SLC22A23: variants seen among roughly 807,000 people sequenced by gnomAD.
SLC22A23 encodes the protein ion transporter protein.
Under a neutral mutation model 61.0 loss-of-function variants are expected in SLC22A23, and 26 were observed. The observed-to-expected ratio is 0.43, with a 90% CI of 0.31 to 0.59. The LOEUF is 0.59. Among genes scored for constraint, SLC22A23 ranks in the 20% least tolerant of loss-of-function variants. SLC22A23 has a pLI of 0.11. For synonymous variants in SLC22A23, 430 were observed against 413.9 expected (o/e 1.04, Z -0.47); for missense variants, 796 against 934.7 (o/e 0.85, Z 1.94).
At chr6:3,391,506 T>C (rs1419514879) in intron 3 of SLC22A23, among the ~76,000 whole-genome samples, 1 of 152,232 alleles carries the variant, frequency 6.6e-6, no homozygotes, top group Non-Finnish European at 1.5e-5. Flanking sequence ...GCACAGATCT[T>C]CATCGTGTTC....
At position 3,436,291 on chromosome 6, in the gene SLC22A23, AC is replaced by A. The variant is rs1391649653; in HGVS notation, c.654+19614del. The stretch of plus-strand genomic sequence containing the variant: ...GCTGGGATTACAGGTGCCCGCCACC[AC>A]GTCCAGCTATTTTTTGTATTCTTAG... On this transcript the variant is annotated intron_variant, in intron 1 of 9. Coordinates refer to ENST00000406686, the MANE Select transcript of SLC22A23 (RefSeq NM_015482.2). 2.6e-5 allele frequency among the ~76,000 whole-genome samples: 4 copies of A among 151,970 alleles called. No individual in the cohort carries two copies. In the East Asian group the frequency reaches 7.7e-4, roughly 29 times the overall value.
intron 3 of SLC22A23, among the ~76,000 whole-genome samples, chr6:3,343,971 T>A (rs1200349182): frequency 6.6e-6 from 1 of 152,190 alleles, no homozygotes. Flanking sequence ...AGAAAATATT[T>A]TAAGAGGATT....
intron 1 of SLC22A23, among the ~76,000 whole-genome samples, chr6:3,451,964 A>G (rs1772173440): frequency 2.0e-5 from 3 of 152,214 alleles, no homozygotes; most frequent in South Asian, 2.1e-4. Flanking sequence ...TCTGAAGTAC[A>G]CAACCATTCT....
chr6:3,307,244 C>T (rs1013511562), intron 4 of SLC22A23, among the ~76,000 whole-genome samples: 2 of 152,166 alleles, frequency 1.3e-5, no homozygotes, highest in Non-Finnish European at 2.9e-5. Flanking sequence ...CAGTTCATCT[C>T]GACGCTCTGA....
At chr6:3,298,530 G>A (rs986128288) in intron 4 of SLC22A23, among the ~76,000 whole-genome samples, 1 of 152,192 alleles carries the variant, frequency 6.6e-6, no homozygotes. Flanking sequence ...AGGCTGGGAA[G>A]GGTGGGGGGA....
At chr6:3,421,939 G>A (rs17309659) in intron 1 of SLC22A23, among the ~76,000 whole-genome samples, 44,239 of 152,120 alleles carry the variant, frequency 0.29, 7,741 homozygotes, top group East Asian at 0.47. Context: ...TGACTAAAGC[G>A]AAAAGTGTTT....
chr6:3,298,447 G>A (rs1028854503), intron 4 of SLC22A23, among the ~76,000 whole-genome samples: 2 of 151,888 alleles, frequency 1.3e-5, no homozygotes, highest in African/African-American at 4.8e-5. Context: ...TTAACCACAT[G>A]TTCTCACCCA....
chr6:3,363,404 C>T (rs1467435230), intron 3 of SLC22A23, among the ~76,000 whole-genome samples: 1 of 152,222 alleles, frequency 6.6e-6, no homozygotes, highest in Non-Finnish European at 1.5e-5. Flanking sequence ...AGGCTTCCTC[C>T]TCGGGGGACT....
chr6:3,373,708 A>G (rs1192793443), intron 3 of SLC22A23, among the ~76,000 whole-genome samples: 6 of 152,246 alleles, frequency 3.9e-5, no homozygotes, highest in African/African-American at 1.4e-4. Context: ...AGGAAGCAGC[A>G]GCAACAGCAG....
At chr6:3,394,777 C>T (rs1451721423) in intron 3 of SLC22A23, among the ~76,000 whole-genome samples, 1 of 152,194 alleles carries the variant, frequency 6.6e-6, no homozygotes, top group Non-Finnish European at 1.5e-5. Context: ...CTTTGCACAG[C>T]CCCCACATGA....
intron 3 of SLC22A23, among the ~76,000 whole-genome samples, chr6:3,346,289 C>T (rs189205025): frequency 1.7e-3 from 264 of 152,284 alleles, no homozygotes; most frequent in Non-Finnish European, 3.2e-3. Flanking sequence ...CAGCATTGCA[C>T]GTCTGAAGCT....
In SLC22A23 at chr6:3,390,272, A is replaced by G. The variant is rs1365560237; in HGVS notation, c.913+19916T>C. Among the ~76,000 whole-genome samples the G allele has an allele frequency of 1.3e-5, 2 of 152,228 alleles. No homozygotes were observed. Among genetic ancestry groups the G allele is most frequent in the African/African-American group, 2.4e-5 (1 of 41,464 alleles). On this transcript the variant is annotated intron_variant, in intron 3 of 9. Transcript: ENST00000406686. The surrounding 1 kb of genome is among the most constrained non-coding windows in gnomAD (Gnocchi z 4.0). ...TGCCTGGAAATTGAAACACTCAGCC[A>G]TCTCAGGTAATTGGCCTCAATCACA...
At position 3,271,010 on chromosome 6, in the gene SLC22A23, C is replaced by G. The variant is rs1411447776; in HGVS notation, c.*2045G>C. The G allele has an allele frequency of 1.3e-5, 2 of 152,424 alleles. No individual in the cohort carries two copies. Among genetic ancestry groups the G allele is most frequent in the African/African-American group, 4.8e-5 (2 of 41,434 alleles). The allele number at this position is 152,424 out of a possible 1,614,324, so 9.4% of individuals were successfully genotyped here. A position where few individuals can be genotyped will look rare whatever the true frequency, so the allele number is the denominator to read the frequency against. On this transcript the variant is annotated 3_prime_UTR_variant, in exon 10 of 10. Transcript: ENST00000406686. ...GCTCAGGGGCCTCGCTGGATCCTTCCCACCTTCCCCAACTGCCTACTGGCC... is the reference window on the plus strand; with the variant it reads ...GCTCAGGGGCCTCGCTGGATCCTTCGCACCTTCCCCAACTGCCTACTGGCC...
chr6:3,370,475 G>C (rs1337320454), intron 3 of SLC22A23, among the ~76,000 whole-genome samples: 1 of 152,272 alleles, frequency 6.6e-6, no homozygotes, highest in African/African-American at 2.4e-5. Context: ...AAGCCTCCAG[G>C]TGTGCTGCAA....
chr6:3,421,099 C>CA (rs996319554), intron 1 of SLC22A23, among the ~76,000 whole-genome samples: 24 of 126,910 alleles, frequency 1.9e-4, no homozygotes, highest in Admixed American at 4.1e-4. Flanking sequence ...GACATTGTTT[C>CA]AAAAAAAAAG....
At chr6:3,307,686 C>T (rs1029593423) in intron 4 of SLC22A23, among the ~76,000 whole-genome samples, 3 of 152,218 alleles carry the variant, frequency 2.0e-5, no homozygotes, top group Non-Finnish European at 4.4e-5. Context: ...GCTGGGACAG[C>T]CCCCGGTGTG....
chr6:3,378,586 A>G (rs534167902), intron 3 of SLC22A23, among the ~76,000 whole-genome samples: 1 of 151,440 alleles, frequency 6.6e-6, no homozygotes, highest in South Asian at 2.1e-4. Flanking sequence ...TGGCTCAGAT[A>G]CCATCTGTCC....
At chr6:3,290,427 A>G (rs1188033345) in intron 5 of SLC22A23, 1 of 181,098 alleles carries the variant, frequency 5.5e-6, no homozygotes, top group East Asian at 1.5e-4. Flanking sequence ...TGAAAGCCAA[A>G]TACATAAGTG....
rs941048424 is a variant in SLC22A23, at chr6:3,345,512, T to A, written c.914-21510A>T. Among the ~76,000 whole-genome samples, 5 of 151,974 alleles carry A rather than the reference T, an allele frequency of 3.3e-5. No homozygotes were observed. The East Asian group carries it at 9.7e-4, about 29-fold the overall frequency. On this transcript the variant is annotated intron_variant, in intron 3 of 9. Transcript: ENST00000406686. Reference sequence around the variant, plus strand: ...TCCTGAGTAGCTGGGATTACAGGTATGCACCAACACACCTGGCTAATTTTT... The same window carrying A: ...TCCTGAGTAGCTGGGATTACAGGTAAGCACCAACACACCTGGCTAATTTTT...
Sources: allele counts gnomAD v4.1 joint callset (sites outside exome capture counted in the v4.1 genomes callset), GRCh38; gene constraint gnomAD v4.1.1; non-coding constraint Gnocchi (gnomAD v3.1); transcripts MANE v1.5; gene names NCBI Gene and HGNC (gene_info 2026-07-23, HGNC 2026-07-21).